The following XRRA1 variants were observed in gnomAD, a reference collection of about 807,000 sequenced individuals.
XRRA1 encodes the protein X-ray radiation resistance-associated protein 1.
A neutral mutation model predicts 80.2 loss-of-function variants in XRRA1; 69 were observed. The observed-to-expected ratio is 0.86, with a 90% confidence interval of 0.71 to 1.05. The LOEUF is 1.05. Ranked by LOEUF, XRRA1 falls within the 50% of genes least tolerant of loss-of-function variation. XRRA1 has a pLI of 0.00. For synonymous variants in XRRA1, 348 were observed against 389.9 expected, an observed-to-expected ratio of 0.89 and a Z score of 1.27; for missense variants, 967 against 976.4, an observed-to-expected ratio of 0.99 and a Z score of 0.13.
intron 10 of XRRA1, among the ~76,000 whole-genome samples, chr11:74,880,707 A>G (rs1435942101): frequency 3.3e-5 from 5 of 150,638 alleles, no homozygotes; most frequent in Non-Finnish European, 7.4e-5. Context: ...TTCTGCCTTC[A>G]TTTCGTTGTG....
chr11:74,934,403 C>A (rs1450836601), intron 4 of XRRA1, among the ~76,000 whole-genome samples: 2 of 152,128 alleles, frequency 1.3e-5, no homozygotes, highest in African/African-American at 4.8e-5. Flanking sequence ...CACTGAAAGG[C>A]ATTGGGAAGA....
In XRRA1 at chr11:74,842,925, G is replaced by A. The variant is rs2036791922; in HGVS notation, c.*275C>T. The A allele has an allele frequency of 9.2e-6, 4 of 436,448 alleles. No individual in the cohort carries two copies. Among genetic ancestry groups the A allele is most frequent in the East Asian group, 3.5e-5 (1 of 28,682 alleles). 27.0% of individuals were successfully genotyped at this position (436,448 alleles called of 1,614,324 possible). A position where few individuals can be genotyped will look rare whatever the true frequency, so the allele number is the denominator to read the frequency against. On this transcript the variant is annotated 3_prime_UTR_variant, in exon 19 of 19. Transcript: ENST00000684022. ...TAGAGGGAAGTGTGACAATGCTGCT[G>A]TGGCCTGGGTTCCAAGAAAGAATGC...
intron 15 of XRRA1, among the ~76,000 whole-genome samples, chr11:74,847,830 G>T (rs909545720): frequency 2.0e-5 from 3 of 152,180 alleles, no homozygotes; most frequent in African/African-American, 7.2e-5. Flanking sequence ...AAACCCCTCT[G>T]AAAAACTAGT....
intron 8 of XRRA1, among the ~76,000 whole-genome samples, chr11:74,907,525 G>C (rs2054904051): frequency 6.6e-6 from 1 of 152,204 alleles, no homozygotes; most frequent in Non-Finnish European, 1.5e-5. Flanking sequence ...ATTGAAACCA[G>C]GTTAGGGCAG....
chr11:74,853,367 C>A (rs2040355193), intron 12 of XRRA1, among the ~76,000 whole-genome samples: 1 of 152,184 alleles, frequency 6.6e-6, no homozygotes, highest in South Asian at 2.1e-4. Flanking sequence ...GATTTTATCT[C>A]CTAGCCTCCC....
At chr11:74,907,950 C>T (rs185683532) in intron 8 of XRRA1, among the ~76,000 whole-genome samples, 9 of 152,186 alleles carry the variant, frequency 5.9e-5, no homozygotes, top group South Asian at 2.1e-4. Context: ...TTTTAAGTAC[C>T]GCCATTAATG....
At chr11:74,879,987 G>A (rs1024362633) in intron 10 of XRRA1, among the ~76,000 whole-genome samples, 34 of 152,112 alleles carry the variant, frequency 2.2e-4, no homozygotes, top group Admixed American at 6.5e-4. Flanking sequence ...CATAAAATGA[G>A]TTAGGGAGGA....
At chr11:74,927,127 G>A (rs1438556156) in intron 7 of XRRA1, among the ~76,000 whole-genome samples, 3 of 151,988 alleles carry the variant, frequency 2.0e-5, no homozygotes, top group Non-Finnish European at 2.9e-5. Context: ...ATGACCTTTG[G>A]CATTTATTTT....
chr11:74,895,777 A>C (rs886590165), intron 10 of XRRA1, among the ~76,000 whole-genome samples: 2 of 152,196 alleles, frequency 1.3e-5, no homozygotes, highest in African/African-American at 4.8e-5. Flanking sequence ...GCCTCATTCC[A>C]GGCCCTAGTT....
intron 10 of XRRA1, among the ~76,000 whole-genome samples, chr11:74,902,529 C>T (rs912832362): frequency 3.9e-5 from 6 of 152,158 alleles, no homozygotes; most frequent in Non-Finnish European, 7.3e-5. Flanking sequence ...CATCCATCAA[C>T]AGATGAATGG....
rs1230485716 is a variant in XRRA1 at position 74,846,440 on chromosome 11, T to C, written c.1729-1169A>G. 7.9e-5 allele frequency among the ~76,000 whole-genome samples: 12 copies of C among 152,266 alleles called. No individual in the cohort carries two copies. In the South Asian group the frequency reaches 2.5e-3, roughly 32 times the overall value. Reference sequence around the variant, plus strand: ...ATTAAAAGAGGCTTATTCTCTGAGGTTAGTATTACCCTGAAATCCAAACTA... The same window carrying C: ...ATTAAAAGAGGCTTATTCTCTGAGGCTAGTATTACCCTGAAATCCAAACTA... On this transcript the variant is annotated intron_variant, in intron 15 of 18. Coordinates refer to ENST00000684022, the MANE Select transcript of XRRA1 (RefSeq NM_001378157.1).
intron 11 of XRRA1, 55 bp from the exon 12 acceptor site, chr11:74,859,338 A>G (rs1428668462): frequency 3.2e-6 from 5 of 1,545,706 alleles, no homozygotes; most frequent in Non-Finnish European, 8.7e-7. Flanking sequence ...TAAGGCCACT[A>G]AGGGCCAACA....
chr11:74,844,004 C>T, intron 17 of XRRA1, 45 bp from the exon 18 acceptor site: 1 of 1,570,066 alleles, frequency 6.4e-7, no homozygotes, highest in Non-Finnish European at 8.7e-7. Flanking sequence ...GGTTTATGCA[C>T]AGACTTCCCT....
intron 8 of XRRA1, among the ~76,000 whole-genome samples, chr11:74,917,483 T>C (rs1225241300): frequency 6.6e-6 from 1 of 152,198 alleles, no homozygotes; most frequent in African/African-American, 2.4e-5. Context: ...GTTGTCTAGA[T>C]GAGGAGACAG....
At position 74,857,659 on chromosome 11, in the gene XRRA1, CAT is replaced by C. The variant is rs536371849; in HGVS notation, c.1170+1497_1170+1498del. On this transcript the variant is annotated intron_variant, in intron 12 of 18. Transcript: ENST00000684022. ...CTTTCCCCCAAAACTGCAGAATATACATAGTTTTTGAAATGCACATGGAATGT... is the reference window on the plus strand; with the variant it reads ...CTTTCCCCCAAAACTGCAGAATATACAGTTTTTGAAATGCACATGGAATGT... Among the ~76,000 whole-genome samples the C allele has an allele frequency of 5.7e-3, 866 of 152,264 alleles. 3 individuals are homozygous for C. The highest frequency in any genetic ancestry group is 0.017 in the Middle Eastern group (5 of 294).
intron 10 of XRRA1, among the ~76,000 whole-genome samples, chr11:74,884,235 G>C (rs1268354406): frequency 1.3e-5 from 2 of 152,172 alleles, no homozygotes; most frequent in African/African-American, 4.8e-5. Context: ...TAAGCGAGCT[G>C]GAATCTTGCA....
chr11:74,900,792 G>T (rs922681286), intron 10 of XRRA1, among the ~76,000 whole-genome samples: 4 of 152,118 alleles, frequency 2.6e-5, no homozygotes, highest in African/African-American at 9.7e-5. Context: ...ACTAGGTATA[G>T]AAGAACCACA....
At chr11:74,898,459 A>G (rs891439832) in intron 10 of XRRA1, among the ~76,000 whole-genome samples, 2 of 152,080 alleles carry the variant, frequency 1.3e-5, no homozygotes, top group Non-Finnish European at 1.5e-5. Context: ...AATAAAGACA[A>G]GGTAGCTAAA....
At chr11:74,880,323 A>T (rs986035386) in intron 10 of XRRA1, among the ~76,000 whole-genome samples, 2 of 152,122 alleles carry the variant, frequency 1.3e-5, no homozygotes, top group Non-Finnish European at 2.9e-5. Flanking sequence ...CCCCTTTATC[A>T]TTTTTTATTG....
Sources: gnomAD v4.1 joint callset for allele counts (sites outside exome capture counted in the v4.1 genomes callset) on GRCh38, gnomAD v4.1.1 for gene constraint, MANE v1.5 for transcripts, NCBI Gene and HGNC (gene_info 2026-07-23, HGNC 2026-07-21) for gene names.